The following MED12L variants were observed in gnomAD, a reference collection of about 807,000 sequenced individuals.
MED12L encodes mediator of RNA polymerase II transcription subunit 12-like protein.
Under a neutral mutation model 281.3 loss-of-function variants are expected in MED12L, and 60 were observed. That is an observed-to-expected ratio of 0.21 (90% confidence interval 0.17 to 0.26). The LOEUF (loss-of-function observed/expected upper bound fraction) is 0.26, where lower values mean the gene tolerates loss of function less well. Ranked by LOEUF, MED12L falls within the 10% of genes least tolerant of loss-of-function variation. MED12L has a pLI of 1.00. For synonymous variants in MED12L, 974 were observed against 987.2 expected (o/e 0.99, Z 0.25); for missense variants, 2,146 against 2,680.9 (o/e 0.80, Z 4.41).
Position 151,317,382 on chromosome 3 carries a change from A to C in MED12L, c.2251-32677A>C, listed in dbSNP as rs191407734. Among the ~76,000 whole-genome samples the C allele has an allele frequency of 5.7e-5, 7 of 121,758 alleles. No homozygotes were observed. The East Asian group carries it at 1.0e-3, about 18-fold the overall frequency. 79.9% of individuals were successfully genotyped at this position (121,758 alleles called of 152,430 possible). A position where few individuals can be genotyped will look rare whatever the true frequency, so the allele number is the denominator to read the frequency against. ...GCTGACCTTTAACATAAAACAATTT[A>C]TTTTATTGCTTTAAAAAAGCATCCA... is the stretch of plus-strand genomic sequence containing the variant. On this transcript the variant is annotated intron_variant, in intron 16 of 44. Transcript: ENST00000687756.
At chr3:151,383,695 C>A in intron 33 of MED12L, 84 bp from the exon 34 acceptor site, 1 of 818,688 alleles carries the variant, frequency 1.2e-6, no homozygotes, top group Non-Finnish European at 1.9e-6. Context: ...AAATAAAAAA[C>A]AATCAAAATT....
chr3:151,403,491 C>T (rs1715937648), intron 39 of MED12L, among the ~76,000 whole-genome samples: 1 of 152,204 alleles, frequency 6.6e-6, no homozygotes, highest in Admixed American at 6.5e-5. Context: ...ACTGGCTATT[C>T]CCAAAATCTC....
rs1288691734 is a variant in MED12L, at chr3:151,141,177, TG to T, written c.556+13194del. On this transcript the variant is annotated intron_variant, in intron 5 of 44. Coordinates refer to ENST00000687756, the MANE Select transcript of MED12L (RefSeq NM_001393769.1). ...CCACCGTGCCTGGCGTTTTTTTTTT[TG>T]TTTTTTTTGTTTTTTTTTTTTTGTT... Among the ~76,000 whole-genome samples the T allele has an allele frequency of 5.5e-4, 70 of 126,990 alleles. 2 individuals are homozygous for T. Among genetic ancestry groups the T allele is most frequent in the Non-Finnish European group, 8.9e-4 (57 of 64,036 alleles). 83.3% of individuals were successfully genotyped at this position (126,990 alleles called of 152,430 possible).
At chr3:151,185,297 A>C (rs565536270) in intron 11 of MED12L, 33 bp from the exon 12 acceptor site, 1 of 1,597,926 alleles carries the variant, frequency 6.3e-7, no homozygotes, top group East Asian at 2.3e-5. Context: ...GTTTCATTTG[A>C]TGTGGCTGGT....
In MED12L at chr3:151,350,128, G is replaced by A. The variant is rs113750755; in HGVS notation, c.2320G>A (p.Glu774Lys). 6.2e-7 allele frequency: 1 copy of A among 1,613,698 alleles called. No homozygotes were observed. The highest frequency in any genetic ancestry group is 1.1e-5 in the South Asian group (1 of 91,040). The change falls in exon 17 of 45, where the codon GAA becomes AAA. Residue 774 changes from glutamate (E) to lysine (K), a missense_variant. Physicochemically the swap from Glu to Lys is moderately conservative, Grantham distance 56. This residue lies in a region of MED12L where 404 missense variants were observed against 603.5 expected (regional missense o/e 0.67). Coordinates refer to ENST00000687756, the MANE Select transcript of MED12L (RefSeq NM_001393769.1). ...CTATGGAGTCGGCAAAGAGCGTGATGAAGCAAGGCATCAGCTGAAGAAGAT... is the reference window on the plus strand; with the variant it reads ...CTATGGAGTCGGCAAAGAGCGTGATAAAGCAAGGCATCAGCTGAAGAAGAT... ...LLYGVGKERD[E>K]ARHQLKKITK...
intron 16 of MED12L, among the ~76,000 whole-genome samples, chr3:151,284,355 A>G (rs183694067): frequency 2.0e-5 from 3 of 152,028 alleles, no homozygotes; most frequent in Non-Finnish European, 4.4e-5. Flanking sequence ...CTGCCCAGCA[A>G]ATGATTTTAG....
intron 2 of MED12L, among the ~76,000 whole-genome samples, chr3:151,093,543 A>T (rs1478994626): frequency 6.6e-6 from 1 of 152,220 alleles, no homozygotes; most frequent in Non-Finnish European, 1.5e-5. Flanking sequence ...TTGGATAATA[A>T]ATACTACTCG....
chr3:151,367,148 T>G (rs1755385046), intron 23 of MED12L, among the ~76,000 whole-genome samples: 1 of 152,182 alleles, frequency 6.6e-6, no homozygotes, highest in Admixed American at 6.5e-5. Context: ...AAGAGTCAAT[T>G]GGAAACTTTC....
At chr3:151,152,085 G>GTTTTTTTTTTTTTTTTTTT (rs141353889) in intron 5 of MED12L, among the ~76,000 whole-genome samples, 1 of 62,984 alleles carries the variant, frequency 1.6e-5, no homozygotes, top group African/African-American at 6.3e-5. Flanking sequence ...GTTGAAGGTG[G>GTTTTTTTTTTTTTTTTTTT]TTTTTTTTTT....
intron 16 of MED12L, among the ~76,000 whole-genome samples, chr3:151,306,100 CATT>C (rs1431448978): frequency 2.0e-5 from 3 of 152,176 alleles, no homozygotes; most frequent in Admixed American, 1.3e-4. Context: ...TTCCGCTTAT[CATT>C]TAATCTTATG....
chr3:151,368,345 C>T, intron 25 of MED12L, 94 bp downstream of exon 25: 1 of 1,135,358 alleles, frequency 8.8e-7, no homozygotes. Flanking sequence ...TAATTGCCTT[C>T]TTAATTTTTT....
intron 33 of MED12L, among the ~76,000 whole-genome samples, 186 bp from the exon 34 acceptor site, chr3:151,383,593 A>C (rs1712788693): frequency 6.6e-6 from 1 of 152,204 alleles, no homozygotes; most frequent in African/African-American, 2.4e-5. Context: ...GAATGACTGA[A>C]CTGTGCTGAA....
At chr3:151,375,188 C>G (rs1309365354) in intron 27 of MED12L, among the ~76,000 whole-genome samples, 1 of 152,124 alleles carries the variant, frequency 6.6e-6, no homozygotes, top group African/African-American at 2.4e-5. Context: ...CTGAGTTTGA[C>G]TTAATTAGTC....
intron 3 of MED12L, among the ~76,000 whole-genome samples, chr3:151,118,239 C>T (rs548673035): frequency 6.6e-6 from 1 of 152,002 alleles, no homozygotes; most frequent in South Asian, 2.1e-4. Context: ...AGAAATCAGA[C>T]ATGCAGGTGA....
At chr3:151,341,571 T>C (rs921866218) in intron 16 of MED12L, among the ~76,000 whole-genome samples, 2 of 151,190 alleles carry the variant, frequency 1.3e-5, no homozygotes, top group African/African-American at 4.9e-5. Flanking sequence ...TTTAACTTTT[T>C]TTTTTTAATT....
At chr3:151,290,573 A>T (rs887844917) in intron 16 of MED12L, among the ~76,000 whole-genome samples, 1 of 151,890 alleles carries the variant, frequency 6.6e-6, no homozygotes, top group Non-Finnish European at 1.5e-5. Flanking sequence ...TCTATAAGTT[A>T]ATTTAGAAAG....
intron 16 of MED12L, chr3:151,295,087 A>C (rs375588496): frequency 1.9e-6 from 3 of 1,613,552 alleles, no homozygotes; most frequent in African/African-American, 1.3e-5. Context: ...TGCTTGCCAC[A>C]AATATAATGA....
rs74856757 is a variant in MED12L, at chr3:151,102,187, T to C, written c.100-14151T>C. On this transcript the variant is annotated intron_variant, in intron 2 of 44. Coordinates refer to ENST00000687756, the MANE Select transcript of MED12L (RefSeq NM_001393769.1). ...TTGTAGCTTTGGTTTATACTGCTTGTCCTGTGCTTTAAATCTCCCTTTAAC... is the reference window on the plus strand; with the variant it reads ...TTGTAGCTTTGGTTTATACTGCTTGCCCTGTGCTTTAAATCTCCCTTTAAC... Among the ~76,000 whole-genome samples, 6 of 152,306 alleles carry C rather than the reference T, an allele frequency of 3.9e-5. No homozygotes were observed. The East Asian group carries it at 1.2e-3, about 29-fold the overall frequency.
chr3:151,150,708 A>G (rs951225465), intron 5 of MED12L, among the ~76,000 whole-genome samples: 5 of 152,242 alleles, frequency 3.3e-5, no homozygotes, highest in Admixed American at 6.5e-5. Context: ...ACCTTCATCA[A>G]TGATCCCAGC....
Sources: gnomAD v4.1 joint callset for allele counts (sites outside exome capture counted in the v4.1 genomes callset) on GRCh38, gnomAD v4.1.1 for gene constraint, gnomAD v4.1.1 regional missense constraint, MANE v1.5 for transcripts, NCBI Gene and HGNC (gene_info 2026-07-23, HGNC 2026-07-21) for gene names.